Variants in ZNF337 observed in about 807,000 individuals in gnomAD.
The protein encoded by ZNF337 is zinc finger protein 337.
In ZNF337, 8 loss-of-function variants were observed where a neutral mutation model predicts 12.1. The observed-to-expected ratio is 0.66, with a 90% confidence interval of 0.39 to 1.19. The LOEUF (loss-of-function observed/expected upper bound fraction) is 1.19. Ranked by LOEUF, ZNF337 falls within the 50% of genes most tolerant of loss-of-function variation. The pLI, the probability that ZNF337 is intolerant of heterozygous loss-of-function variation, is 0.01. For synonymous variants in ZNF337, 336 were observed against 320.0 expected (o/e 1.05, Z -0.53); for missense variants, 882 against 896.6 (o/e 0.98, Z 0.21).
intron 4 of ZNF337, among the ~76,000 whole-genome samples, chr20:25,683,865 A>G (rs879546596): frequency 3.3e-5 from 5 of 152,154 alleles, no homozygotes; most frequent in Non-Finnish European, 7.3e-5. Context: ...ATATACCCAA[A>G]GGAATATAAA....
In ZNF337 at chr20:25,675,780, T is replaced by A; in HGVS notation, c.1508A>T (p.Tyr503Phe). The A allele has an allele frequency of 6.2e-7, 1 of 1,613,554 alleles. No individual in the cohort carries two copies. Among genetic ancestry groups the A allele is most frequent in the Admixed American group, 1.7e-5 (1 of 59,988 alleles). ...CAAGTGTGCCCTCAGGTGCTTGTTATAGGAGGACTTATCCCGAAACCTTCG... is the reference window on the plus strand; with the variant it reads ...CAAGTGTGCCCTCAGGTGCTTGTTAAAGGAGGACTTATCCCGAAACCTTCG... The part of the protein sequence containing the change: ...CGRRFRDKSS[Y>F]NKHLRAHLGE... The change falls in exon 5 of 5, where the codon TAT (tyrosine) becomes TTT (phenylalanine). Residue 503 changes from tyrosine to phenylalanine, a missense_variant. Physicochemically the swap from Tyr to Phe is conservative, Grantham distance 22. Transcript: ENST00000252979.
At chr20:25,688,373 T>TA (rs947838702) in intron 1 of ZNF337, among the ~76,000 whole-genome samples, 6 of 152,242 alleles carry the variant, frequency 3.9e-5, no homozygotes, top group African/African-American at 1.4e-4. Context: ...CTTCTGTGAA[T>TA]AAAAAATTTT....
Position 25,696,823 on chromosome 20 carries a change from C to G in ZNF337, c.-114G>C, listed in dbSNP as rs1156365251. ...ATGGTGGACCACGCATCTCACGGCTCGCTGACGCCCAGGGATCTGGAACGC... is the reference window on the plus strand; with the variant it reads ...ATGGTGGACCACGCATCTCACGGCTGGCTGACGCCCAGGGATCTGGAACGC... On this transcript the variant is annotated 5_prime_UTR_variant, in exon 1 of 5. Transcript: ENST00000252979. 10 of 985,382 alleles carry G rather than the reference C, an allele frequency of 1.0e-5. No individual in the cohort carries two copies. Among genetic ancestry groups the G allele is most frequent in the South Asian group, 9.4e-5 (2 of 21,294 alleles). 61.0% of individuals were successfully genotyped at this position (985,382 alleles called of 1,614,324 possible).
intron 3 of ZNF337, 48 bp downstream of exon 3, chr20:25,685,948 C>T: frequency 6.3e-7 from 1 of 1,580,020 alleles, no homozygotes; most frequent in Non-Finnish European, 8.6e-7. Context: ...ATGGCAACAT[C>T]AGAGGCACCA....
intron 1 of ZNF337, among the ~76,000 whole-genome samples, chr20:25,691,799 G>A (rs768467464): frequency 1.3e-5 from 2 of 152,242 alleles, no homozygotes; most frequent in Middle Eastern, 3.4e-3. Context: ...GACAAATTCC[G>A]TGTAGTTTAA....
In ZNF337 at chr20:25,674,528, A is replaced by C. The variant is rs2065651895; in HGVS notation, c.*504T>G. 6.3e-6 allele frequency: 1 copy of C among 158,122 alleles called. No individual in the cohort carries two copies. The highest frequency in any genetic ancestry group is 2.4e-5 in the African/African-American group (1 of 41,506). The allele number at this position is 158,122 out of a possible 1,614,324, so 9.8% of individuals were successfully genotyped here. On this transcript the variant is annotated 3_prime_UTR_variant, in exon 5 of 5. Transcript: ENST00000252979. ...TACTTACACTGTTTCAACAGTAAACAGTTTATGTAGAGTTTCAACATAAAT... is the reference window on the plus strand; with the variant it reads ...TACTTACACTGTTTCAACAGTAAACCGTTTATGTAGAGTTTCAACATAAAT...
intron 1 of ZNF337, 99 bp from the exon 2 acceptor site, chr20:25,686,565 G>T: frequency 1.1e-6 from 1 of 886,674 alleles, no homozygotes; most frequent in Non-Finnish European, 1.7e-6. Context: ...TCTGGGGAGG[G>T]CGCACCTGCA....
intron 1 of ZNF337, among the ~76,000 whole-genome samples, chr20:25,691,582 T>C (rs2065882638): frequency 6.6e-6 from 1 of 152,188 alleles, no homozygotes; most frequent in Non-Finnish European, 1.5e-5. Flanking sequence ...AGGGAAAAGC[T>C]GTCACCATAG....
Position 25,675,979 on chromosome 20 carries a change from A to G in ZNF337, c.1309T>C (p.Cys437Arg). Reference sequence around the variant, plus strand: ...GACTTCTGAATAAATCCTTGCCCACATTCTCTACAAACAAAAGGTTTCTCC... The same window carrying G: ...GACTTCTGAATAAATCCTTGCCCACGTTCTCTACAAACAAAAGGTTTCTCC... ...SGEKPFVCRE[C>R]GQGFIQKSTL... Residue 437 changes from cysteine to arginine, a missense_variant, in exon 5 of 5, where the codon TGT becomes CGT. Transcript: ENST00000252979. The G allele has an allele frequency of 6.2e-7, 1 of 1,613,564 alleles. No homozygotes were observed. The highest frequency in any genetic ancestry group is 2.2e-5 in the East Asian group (1 of 44,844).
chr20:25,680,210 G>C (rs2065754240), intron 4 of ZNF337, among the ~76,000 whole-genome samples: 1 of 152,030 alleles, frequency 6.6e-6, no homozygotes, highest in Non-Finnish European at 1.5e-5. Context: ...ATAAGTGTTT[G>C]ATAGCACAGT....
At chr20:25,690,386 T>C (rs1378914202) in intron 1 of ZNF337, among the ~76,000 whole-genome samples, 1 of 152,230 alleles carries the variant, frequency 6.6e-6, no homozygotes, top group Non-Finnish European at 1.5e-5. Flanking sequence ...AAAAATCTCA[T>C]GGTGAACTTG....
chr20:25,686,604 G>C (rs2065836111), intron 1 of ZNF337, 138 bp from the exon 2 acceptor site: 1 of 636,294 alleles, frequency 1.6e-6, no homozygotes, highest in African/African-American at 1.8e-5. Flanking sequence ...CTGGCCAAAA[G>C]GTCTAGGGAG....
At position 25,676,264 on chromosome 20, in the gene ZNF337, G is replaced by A; in HGVS notation, c.1024C>T (p.His342Tyr). The part of the protein sequence containing the change: ...KSYFVVHKRI[H>Y]SGEKPYRCQE... ...CATCTGTAAGGCTTCTCTCCTGAGTGTATTCTCTTGTGCACAACGAAGTAT... is the reference window on the plus strand; with the variant it reads ...CATCTGTAAGGCTTCTCTCCTGAGTATATTCTCTTGTGCACAACGAAGTAT... The change falls in exon 5 of 5, where the codon CAC becomes TAC. Residue 342 changes from histidine (H) to tyrosine (Y), a missense_variant. Transcript: ENST00000252979. The A allele has an allele frequency of 6.2e-7, 1 of 1,613,890 alleles. No individual in the cohort carries two copies.
chr20:25,676,279 C>T lies in ZNF337; in HGVS notation c.1009G>A (p.Val337Met). 3 of 1,607,554 alleles carry T rather than the reference C, an allele frequency of 1.9e-6. No individual in the cohort carries two copies. The highest frequency in any genetic ancestry group is 2.5e-6 in the Non-Finnish European group (3 of 1,178,038). Residue 337 changes from valine (V) to methionine (M), a missense_variant, in exon 5 of 5, where the codon GTG (valine) becomes ATG (methionine). Coordinates refer to ENST00000252979, the MANE Select transcript of ZNF337 (RefSeq NM_015655.4). ...TCTCCTGAGTGTATTCTCTTGTGCA[C>T]AACGAAGTATGACTTATTAGTATAG... Reference protein sequence around the residue: ...RGYTNKSYFVVHKRIHSGEKP... With the variant: ...RGYTNKSYFVMHKRIHSGEKP...
chr20:25,686,430 G>C lies in ZNF337; in HGVS notation c.-13C>G. The C allele has an allele frequency of 6.2e-7, 1 of 1,613,978 alleles. No homozygotes were observed. The highest frequency in any genetic ancestry group is 1.1e-5 in the South Asian group (1 of 91,052). Reference sequence around the variant, plus strand: ...CCTGAGGTCCCATGACTGTCTTCCTGCTCTCCACGGAGAAGGGAAGCTTGC... The same window carrying C: ...CCTGAGGTCCCATGACTGTCTTCCTCCTCTCCACGGAGAAGGGAAGCTTGC... On this transcript the variant is annotated 5_prime_UTR_variant, in exon 2 of 5. Transcript: ENST00000252979.
intron 1 of ZNF337, among the ~76,000 whole-genome samples, chr20:25,688,824 G>C (rs1600449089): frequency 6.6e-6 from 1 of 152,138 alleles, no homozygotes; most frequent in Non-Finnish European, 1.5e-5. Context: ...ACTACAGATA[G>C]GTTAAGTAAG....
At chr20:25,685,714 GGCCATTTGCTGGA>G in intron 3 of ZNF337, 52 bp from the exon 4 acceptor site, 1 of 1,526,792 alleles carries the variant, frequency 6.5e-7, no homozygotes, top group African/African-American at 1.4e-5. Context: ...AGGCTCCACG[GGCCATTTGCTGGA>G]GCCACCCAGG....
Position 25,676,157 on chromosome 20 carries a change from C to T in ZNF337, c.1131G>A (p.Ala377=), listed in dbSNP as rs144619741. The T allele has an allele frequency of 1.0e-4, 165 of 1,610,470 alleles. No homozygotes were observed. Among genetic ancestry groups the T allele is most frequent in the Middle Eastern group, 1.0e-3 (6 of 6,026 alleles). The change falls in exon 5 of 5, where the codon GCG becomes GCA. Residue 377 remains alanine (A), a synonymous_variant. Coordinates refer to ENST00000252979, the MANE Select transcript of ZNF337 (RefSeq NM_015655.4). ...QRTHSGEKPF[A]CRQCKQSFSV... ...TAAAACTTTGCTTACACTGCCTGCA[C>T]GCAAAGGGCTTCTCCCCTGAGTGTG...
chr20:25,689,314 A>AG (rs2065864191), intron 1 of ZNF337, among the ~76,000 whole-genome samples: 1 of 152,162 alleles, frequency 6.6e-6, no homozygotes, highest in Admixed American at 6.5e-5. Context: ...AAGAAAAAAA[A>AG]AAAGTTAAAT....
Sources: allele counts gnomAD v4.1 joint callset (sites outside exome capture counted in the v4.1 genomes callset), GRCh38; gene constraint gnomAD v4.1.1; transcripts MANE v1.5; gene names NCBI Gene and HGNC (gene_info 2026-07-23, HGNC 2026-07-21).